The following NKAIN3 variants were observed in gnomAD, a reference collection of about 807,000 sequenced individuals.
The protein encoded by NKAIN3 is sodium/potassium-transporting ATPase subunit beta-1-interacting protein 3.
Under a neutral mutation model 30.2 loss-of-function variants are expected in NKAIN3, and 25 were observed. That is an observed-to-expected ratio of 0.83 (90% CI 0.60 to 1.16). The LOEUF is 1.16. NKAIN3 is among the 50% of genes most tolerant of loss of function. NKAIN3 has a pLI of 0.00. For synonymous variants in NKAIN3, 91 were observed against 89.6 expected, an observed-to-expected ratio of 1.02 and a Z score of -0.09; for missense variants, 225 against 254.1, an observed-to-expected ratio of 0.89 and a Z score of 0.78.
At chr8:62,251,396 G>C (rs552307928) in intron 1 of NKAIN3, among the ~76,000 whole-genome samples, 1 of 151,924 alleles carries the variant, frequency 6.6e-6, no homozygotes, top group Non-Finnish European at 1.5e-5. Flanking sequence ...ATAGTCTTTA[G>C]TGTGAATTCC....
At chr8:62,941,757 A>T (rs1322741880) in intron 5 of NKAIN3, among the ~76,000 whole-genome samples, 1 of 152,116 alleles carries the variant, frequency 6.6e-6, no homozygotes, top group African/African-American at 2.4e-5. Flanking sequence ...TAGAAGAGAC[A>T]TACCTTAAGG....
At chr8:62,665,527 T>C (rs1172625512) in intron 3 of NKAIN3, among the ~76,000 whole-genome samples, 1 of 152,200 alleles carries the variant, frequency 6.6e-6, no homozygotes. Flanking sequence ...TCCTTTCCAT[T>C]ACTGTCACAC....
chr8:62,301,958 T>C (rs1377631214), intron 1 of NKAIN3, among the ~76,000 whole-genome samples: 1 of 152,072 alleles, frequency 6.6e-6, no homozygotes, highest in Non-Finnish European at 1.5e-5. Flanking sequence ...CTGTACCATT[T>C]GGAAATTCTT....
At chr8:62,792,189 G>T in intron 4 of NKAIN3, among the ~76,000 whole-genome samples, 1 of 152,152 alleles carries the variant, frequency 6.6e-6, no homozygotes, top group African/African-American at 2.4e-5. Context: ...CATCTATGCA[G>T]CCACTGCCTT....
At chr8:62,521,746 G>A (rs538577885) in intron 1 of NKAIN3, among the ~76,000 whole-genome samples, 16 of 152,220 alleles carry the variant, frequency 1.1e-4, no homozygotes, top group Non-Finnish European at 1.2e-4. Context: ...TTAATGCAGA[G>A]AACTGAGGGG....
chr8:62,467,144 A>C (rs1213629752), intron 1 of NKAIN3, among the ~76,000 whole-genome samples: 4 of 152,152 alleles, frequency 2.6e-5, no homozygotes, highest in Non-Finnish European at 5.9e-5. Flanking sequence ...TTCCTGCCTC[A>C]GGACCTTTGC....
At chr8:62,353,550 A>C (rs751772571) in intron 1 of NKAIN3, among the ~76,000 whole-genome samples, 3 of 152,200 alleles carry the variant, frequency 2.0e-5, no homozygotes, top group Non-Finnish European at 4.4e-5. Context: ...TTTTTTAAGG[A>C]AATTAAAACT....
intron 1 of NKAIN3, among the ~76,000 whole-genome samples, chr8:62,319,372 AGCTTTTGAATGTGTTT>A (rs964991311): frequency 2.0e-5 from 3 of 152,092 alleles, no homozygotes; most frequent in African/African-American, 7.2e-5. Flanking sequence ...GCCTTCTGGT[AGCTTTTGAATGTGTTT>A]GCTCTTGTTT....
At chr8:62,751,330 C>T (rs1469395423) in intron 4 of NKAIN3, among the ~76,000 whole-genome samples, 1 of 152,198 alleles carries the variant, frequency 6.6e-6, no homozygotes, top group African/African-American at 2.4e-5. Flanking sequence ...AATACATATA[C>T]TTGGTTCGAA....
At chr8:62,650,933 T>G (rs1316228628) in intron 3 of NKAIN3, among the ~76,000 whole-genome samples, 6 of 152,156 alleles carry the variant, frequency 3.9e-5, no homozygotes. Context: ...AATATTTTCT[T>G]TATGAGAAAA....
intron 1 of NKAIN3, among the ~76,000 whole-genome samples, chr8:62,513,053 A>G (rs1018192465): frequency 8.5e-5 from 13 of 152,122 alleles, no homozygotes; most frequent in African/African-American, 2.4e-4. Context: ...TGAAAAATAT[A>G]TATAAAATAG....
At chr8:62,867,154 TC>T (rs756043194) in intron 4 of NKAIN3, among the ~76,000 whole-genome samples, 3 of 151,818 alleles carry the variant, frequency 2.0e-5, no homozygotes, top group Non-Finnish European at 4.4e-5. Flanking sequence ...TCTCTATTTT[TC>T]GTATTCAAGA....
chr8:62,253,622 C>T (rs188769564), intron 1 of NKAIN3, among the ~76,000 whole-genome samples: 54 of 152,290 alleles, frequency 3.5e-4, no homozygotes, highest in African/African-American at 1.2e-3. Flanking sequence ...AACATTCTCT[C>T]AAAGAAAATC....
chr8:62,874,555 C>A (rs1164420092), intron 4 of NKAIN3, among the ~76,000 whole-genome samples: 1 of 152,148 alleles, frequency 6.6e-6, no homozygotes, highest in Non-Finnish European at 1.5e-5. Context: ...AACATCAATG[C>A]AAAAATCCTC....
intron 1 of NKAIN3, among the ~76,000 whole-genome samples, chr8:62,477,252 G>A (rs922014454): frequency 4.6e-5 from 7 of 152,174 alleles, no homozygotes; most frequent in African/African-American, 7.2e-5. Context: ...TCACACACCC[G>A]CAAATGTACG....
chr8:62,958,746 G>C (rs533035454), intron 6 of NKAIN3, among the ~76,000 whole-genome samples: 2 of 152,306 alleles, frequency 1.3e-5, no homozygotes, highest in East Asian at 1.9e-4. Context: ...ATCATGACTG[G>C]TGTATTTCCA....
intron 3 of NKAIN3, among the ~76,000 whole-genome samples, chr8:62,609,020 G>A (rs1337545119): frequency 1.3e-5 from 2 of 152,008 alleles, no homozygotes; most frequent in Non-Finnish European, 2.9e-5. Context: ...TTTGACTTTT[G>A]TTGCAAACAT....
At chr8:62,404,083 T>C (rs1341308241) in intron 1 of NKAIN3, among the ~76,000 whole-genome samples, 1 of 152,230 alleles carries the variant, frequency 6.6e-6, no homozygotes, top group Non-Finnish European at 1.5e-5. Context: ...TGGACTCACA[T>C]GGGGCCCGTA....
At chr8:62,685,399 A>C (rs372855219) in intron 3 of NKAIN3, among the ~76,000 whole-genome samples, 1 of 152,186 alleles carries the variant, frequency 6.6e-6, no homozygotes, top group Non-Finnish European at 1.5e-5. Flanking sequence ...CAGTTTTACT[A>C]TCTGTGTATT....
Sources: gnomAD v4.1 joint callset for allele counts (sites outside exome capture counted in the v4.1 genomes callset) on GRCh38, gnomAD v4.1.1 for gene constraint, MANE v1.5 for transcripts, NCBI Gene and HGNC (gene_info 2026-07-23, HGNC 2026-07-21) for gene names.